GANC: variants seen among roughly 807,000 people sequenced by gnomAD.
GANC encodes the protein neutral alpha-glucosidase C.
A neutral mutation model predicts 124.2 loss-of-function variants in GANC; 117 were observed. That is an observed-to-expected ratio of 0.94 (90% CI 0.81 to 1.10). GANC has a LOEUF of 1.10. Among genes scored for constraint, GANC ranks in the 50% least tolerant of loss-of-function variants. GANC has a pLI of 0.00. For missense variants in GANC, 1,140 were observed against 1,095.0 expected, an observed-to-expected ratio of 1.04 and a Z score of -0.58; for synonymous variants, 377 against 376.8, an observed-to-expected ratio of 1.00 and a Z score of -0.01.
chr15:42,275,946 G>C lies in GANC; in HGVS notation c.30-402G>C, dbSNP rs76297926. On this transcript the variant is annotated intron_variant, in intron 1 of 23. Coordinates refer to ENST00000318010, the MANE Select transcript of GANC (RefSeq NM_198141.3). ...AAATATTTTCTTGAATAAATCGGTGGGTGGGTTATGGTTCTTAGTTTGTCT... is the reference window on the plus strand; with the variant it reads ...AAATATTTTCTTGAATAAATCGGTGCGTGGGTTATGGTTCTTAGTTTGTCT... Among the ~76,000 whole-genome samples, 98 of 152,222 alleles carry C rather than the reference G, an allele frequency of 6.4e-4. 1 individual carries two copies. The East Asian group carries it at 0.018, about 28-fold the overall frequency.
At chr15:42,276,243 T>C in intron 1 of GANC, 105 bp from the exon 2 acceptor site, 1 of 642,272 alleles carries the variant, frequency 1.6e-6, no homozygotes, top group Non-Finnish European at 2.9e-6. Context: ...CAGAATAGAC[T>C]CCAAAGGTTT....
At chr15:42,305,458 G>T (rs1251641254) in intron 6 of GANC, among the ~76,000 whole-genome samples, 5 of 152,228 alleles carry the variant, frequency 3.3e-5, no homozygotes, top group African/African-American at 4.8e-5. Context: ...ACAGATGCTG[G>T]AGAGGATGTG....
Position 42,306,542 on chromosome 15 carries a change from A to G in GANC, c.559-4A>G, listed in dbSNP as rs756620033. ...TCAGTTTGCTCCCTTTTTTGTACCA[A>G]CAGGAAAATCAAGAAGATCTGGGCC... On this transcript the variant is annotated splice_polypyrimidine_tract_variant and splice_region_variant and intron_variant, in intron 6 of 23. Coordinates refer to ENST00000318010, the MANE Select transcript of GANC (RefSeq NM_198141.3). The G allele has an allele frequency of 2.5e-6, 4 of 1,608,864 alleles. No homozygotes were observed. In the Admixed American group the frequency reaches 6.9e-5, roughly 28 times the overall value.
intron 3 of GANC, among the ~76,000 whole-genome samples, chr15:42,283,186 G>A (rs1457049854): frequency 6.6e-6 from 1 of 152,190 alleles, no homozygotes; most frequent in East Asian, 1.9e-4. Context: ...TTGCAAGGTC[G>A]GAACGTCCAG....
Position 42,273,732 on chromosome 15 carries a change from C to T in GANC, c.-750C>T, listed in dbSNP as rs1209207149. 1.3e-5 allele frequency: 4 copies of T among 309,954 alleles called. No homozygotes were observed. Among genetic ancestry groups the T allele is most frequent in the Non-Finnish European group, 1.9e-5 (3 of 159,218 alleles). 19.2% of individuals were successfully genotyped at this position (309,954 alleles called of 1,614,324 possible). A position where few individuals can be genotyped will look rare whatever the true frequency, so the allele number is the denominator to read the frequency against. On this transcript the variant is annotated 5_prime_UTR_variant, in exon 1 of 24. Coordinates refer to ENST00000318010, the MANE Select transcript of GANC (RefSeq NM_198141.3). Reference sequence around the variant, plus strand: ...TGCAGGATTTGGCTCTCTACTTCCGCTCGCCCCAGCCCTTCATCCCTTCTA... The same window carrying T: ...TGCAGGATTTGGCTCTCTACTTCCGTTCGCCCCAGCCCTTCATCCCTTCTA...
intron 4 of GANC, 51 bp from the exon 5 acceptor site, chr15:42,292,684 G>T: frequency 6.5e-7 from 1 of 1,536,770 alleles, no homozygotes; most frequent in Non-Finnish European, 8.9e-7. Context: ...ATCACATAGG[G>T]CCATGTAAAC....
At chr15:42,303,429 A>G (rs141990696) in intron 6 of GANC, among the ~76,000 whole-genome samples, 110 of 152,348 alleles carry the variant, frequency 7.2e-4, no homozygotes, top group Non-Finnish European at 1.1e-3. Context: ...CATTGACACA[A>G]TGAAGAAACT....
Position 42,306,527 on chromosome 15 carries a change from C to G in GANC, c.559-19C>G, listed in dbSNP as rs754637901. 6.9e-6 allele frequency: 11 copies of G among 1,599,930 alleles called. No homozygotes were observed. Among genetic ancestry groups the G allele is most frequent in the Non-Finnish European group, 9.4e-6 (11 of 1,174,334 alleles). The stretch of plus-strand genomic sequence containing the variant: ...TTGCAATTTGTAAACTCAGTTTGCT[C>G]CCTTTTTTGTACCAACAGGAAAATC... On this transcript the variant is annotated intron_variant, in intron 6 of 23. Transcript: ENST00000318010.
chr15:42,350,864 TTTA>T (rs3036683), intron 22 of GANC, among the ~76,000 whole-genome samples: 10 of 137,398 alleles, frequency 7.3e-5, no homozygotes, highest in African/African-American at 1.4e-4. Flanking sequence ...CGAGTCGTCT[TTTA>T]TTATTATTAT....
intron 11 of GANC, among the ~76,000 whole-genome samples, chr15:42,325,869 G>C (rs1396014340): frequency 6.6e-6 from 1 of 152,134 alleles, no homozygotes; most frequent in Non-Finnish European, 1.5e-5. Flanking sequence ...CAGTCCTCCT[G>C]CCTCAGCCTC....
intron 15 of GANC, among the ~76,000 whole-genome samples, chr15:42,335,537 TC>T (rs1203018609): frequency 6.6e-6 from 1 of 152,150 alleles, no homozygotes; most frequent in Non-Finnish European, 1.5e-5. Flanking sequence ...CTGGAAGCAT[TC>T]CCCTTGAAAA....
At chr15:42,320,178 A>G (rs1351138650) in intron 10 of GANC, among the ~76,000 whole-genome samples, 3 of 142,490 alleles carry the variant, frequency 2.1e-5, no homozygotes, top group African/African-American at 7.6e-5. Flanking sequence ...GCTAAACTCC[A>G]TCTTAAAAAT....
At chr15:42,293,830 G>A (rs1036572034) in intron 5 of GANC, among the ~76,000 whole-genome samples, 1 of 151,592 alleles carries the variant, frequency 6.6e-6, no homozygotes, top group Non-Finnish European at 1.5e-5. Context: ...TGGCAAATCA[G>A]TTGAGCCCAG....
At chr15:42,276,568 A>G (rs1004365005) in intron 2 of GANC, among the ~76,000 whole-genome samples, 158 bp downstream of exon 2, 8 of 152,312 alleles carry the variant, frequency 5.3e-5, no homozygotes, top group African/African-American at 1.9e-4. Context: ...AACTTTATAC[A>G]TTTACTCCTG....
rs117577041 is a variant in GANC, at chr15:42,310,501, A to G, written c.903+38A>G. On this transcript the variant is annotated intron_variant, in intron 9 of 23. Transcript: ENST00000318010. The stretch of plus-strand genomic sequence containing the variant: ...TCATGGCTACATGTCATACTTAAAG[A>G]AGAAACAAAACCACTGCAGTGGAGT... 5.0e-3 allele frequency: 7,736 copies of G among 1,547,000 alleles called. 26 individuals carry two copies. The highest frequency in any genetic ancestry group is 5.9e-3 in the Non-Finnish European group (6,781 of 1,143,696).
In GANC at chr15:42,340,730, G is replaced by C; in HGVS notation, c.2128G>C (p.Asp710His). The change falls in exon 18 of 24, where the codon GAT becomes CAT. Residue 710 changes from aspartate to histidine, a missense_variant. Asp to His is a moderately conservative substitution (Grantham distance 81, BLOSUM62 -1). Transcript: ENST00000318010. ...VEFPDELKTFDMEDEYMLGSA... is the reference protein window; with the variant it reads ...VEFPDELKTFHMEDEYMLGSA... ...GTTCCCTGATGAACTAAAGACTTTT[G>C]ATATGGAAGATGAATACATGCTGGG... The C allele has an allele frequency of 1.3e-6, 2 of 1,599,998 alleles. No individual in the cohort carries two copies. Among genetic ancestry groups the C allele is most frequent in the Non-Finnish European group, 1.7e-6 (2 of 1,175,332 alleles).
chr15:42,308,181 GTTCTTTT>G, intron 7 of GANC, 34 bp from the exon 8 acceptor site: 1 of 1,301,668 alleles, frequency 7.7e-7, no homozygotes, highest in Non-Finnish European at 1.1e-6. Flanking sequence ...TTAAGTGAGT[GTTCTTTT>G]CAGAAACAAA....
At chr15:42,293,042 C>G (rs1412720487) in intron 5 of GANC, 125 bp downstream of exon 5, 1 of 872,480 alleles carries the variant, frequency 1.1e-6, no homozygotes, top group Non-Finnish European at 1.7e-6. Context: ...TAGTATTGTT[C>G]TGAGAAATTT....
chr15:42,319,936 G>T (rs1033795721), intron 10 of GANC, among the ~76,000 whole-genome samples: 2 of 152,142 alleles, frequency 1.3e-5, no homozygotes, highest in African/African-American at 4.8e-5. Context: ...TGTAATCCCA[G>T]CACTTTGGGG....
Sources: gnomAD v4.1 joint callset for allele counts (sites outside exome capture counted in the v4.1 genomes callset) on GRCh38, gnomAD v4.1.1 for gene constraint, MANE v1.5 for transcripts, NCBI Gene and HGNC (gene_info 2026-07-23, HGNC 2026-07-21) for gene names.